MAPK4: variants seen among roughly 807,000 people sequenced by gnomAD.
The protein encoded by MAPK4 is mitogen-activated protein kinase 4.
In MAPK4, 22 loss-of-function variants were observed where a neutral mutation model predicts 47.7. The observed-to-expected ratio is 0.46, with a 90% CI of 0.33 to 0.66. The LOEUF (loss-of-function observed/expected upper bound fraction) is 0.66. Among genes scored for constraint, MAPK4 ranks in the 30% least tolerant of loss-of-function variants. The pLI is 0.02. For synonymous variants in MAPK4, 390 were observed against 365.7 expected (o/e 1.07, Z -0.76); for missense variants, 736 against 831.7 (o/e 0.88, Z 1.42).
chr18:50,659,383 G>A (rs2043144820), intron 1 of MAPK4, among the ~76,000 whole-genome samples: 1 of 152,244 alleles, frequency 6.6e-6, no homozygotes, highest in African/African-American at 2.4e-5. Flanking sequence ...TCTGTGAAAT[G>A]TCAGCACCTT....
chr18:50,561,329 G>A (rs1284972923), intron 1 of MAPK4, among the ~76,000 whole-genome samples: 1 of 152,238 alleles, frequency 6.6e-6, no homozygotes, highest in Non-Finnish European at 1.5e-5. Flanking sequence ...GTTACTGTGT[G>A]CAAGGCAGCT....
At chr18:50,579,112 G>A (rs2149361831) in intron 1 of MAPK4, among the ~76,000 whole-genome samples, 1 of 152,324 alleles carries the variant, frequency 6.6e-6, no homozygotes, top group African/African-American at 2.4e-5. Context: ...GGCAAGGAAA[G>A]TCTTTGAGGG....
intron 1 of MAPK4, among the ~76,000 whole-genome samples, chr18:50,640,593 G>A (rs188430750): frequency 7.2e-5 from 11 of 152,194 alleles, no homozygotes; most frequent in Non-Finnish European, 8.8e-5. Context: ...AACCTCCCAA[G>A]TAGCTGGGAT....
chr18:50,661,916 G>T (rs2043176164), intron 1 of MAPK4, among the ~76,000 whole-genome samples: 1 of 152,182 alleles, frequency 6.6e-6, no homozygotes, highest in African/African-American at 2.4e-5. Flanking sequence ...GCAACAATAG[G>T]TAACATCTGT....
At chr18:50,577,528 A>C (rs1280347051) in intron 1 of MAPK4, among the ~76,000 whole-genome samples, 1 of 152,202 alleles carries the variant, frequency 6.6e-6, no homozygotes, top group African/African-American at 2.4e-5. Flanking sequence ...AGGTGATTCA[A>C]ATATACAGCC....
chr18:50,587,689 C>T (rs2042400586), intron 1 of MAPK4, among the ~76,000 whole-genome samples: 1 of 152,124 alleles, frequency 6.6e-6, no homozygotes. Flanking sequence ...TACTTCACAG[C>T]AGGGTTTGGA....
intron 1 of MAPK4, among the ~76,000 whole-genome samples, chr18:50,564,718 C>T (rs944597298): frequency 1.3e-5 from 2 of 152,046 alleles, no homozygotes; most frequent in African/African-American, 4.8e-5. Context: ...AGCATAAAGC[C>T]TCAAATTCTT....
chr18:50,581,510 T>C (rs1187555764), intron 1 of MAPK4, among the ~76,000 whole-genome samples: 13 of 152,240 alleles, frequency 8.5e-5, no homozygotes, highest in Admixed American at 8.5e-4. Context: ...GGCATGGTCA[T>C]TGCCCTTTTC....
At chr18:50,719,918 C>G (rs1238835214) in intron 3 of MAPK4, among the ~76,000 whole-genome samples, 1 of 152,202 alleles carries the variant, frequency 6.6e-6, no homozygotes, top group African/African-American at 2.4e-5. Context: ...AAACAGCTCT[C>G]CTCACATTTC....
At chr18:50,654,355 A>T (rs946216168) in intron 1 of MAPK4, among the ~76,000 whole-genome samples, 1 of 152,230 alleles carries the variant, frequency 6.6e-6, no homozygotes, top group Non-Finnish European at 1.5e-5. Context: ...ACCATTCAAT[A>T]AGTACTGAAG....
chr18:50,724,711 G>A (rs542898042), intron 4 of MAPK4, among the ~76,000 whole-genome samples: 4 of 152,220 alleles, frequency 2.6e-5, no homozygotes, highest in African/African-American at 4.8e-5. Flanking sequence ...TGAATCCATC[G>A]ATTTCCTCAA....
chr18:50,587,122 A>G (rs533843095), intron 1 of MAPK4, among the ~76,000 whole-genome samples: 1 of 152,358 alleles, frequency 6.6e-6, no homozygotes, highest in South Asian at 2.1e-4. Flanking sequence ...AATCAGGCAG[A>G]AGAGATTGCT....
At chr18:50,644,669 C>T (rs1037391003) in intron 1 of MAPK4, among the ~76,000 whole-genome samples, 1 of 152,034 alleles carries the variant, frequency 6.6e-6, no homozygotes, top group African/African-American at 2.4e-5. Flanking sequence ...ATTTTCATTC[C>T]ATAGAGATAA....
chr18:50,657,631 A>G (rs935478289), intron 1 of MAPK4, among the ~76,000 whole-genome samples: 8 of 151,654 alleles, frequency 5.3e-5, no homozygotes, highest in Admixed American at 4.6e-4. Flanking sequence ...GTGATTTTCA[A>G]CCAGAGGTGA....
intron 1 of MAPK4, among the ~76,000 whole-genome samples, chr18:50,632,379 T>G (rs2042838963): frequency 6.6e-6 from 1 of 152,186 alleles, no homozygotes; most frequent in East Asian, 1.9e-4. Flanking sequence ...TTCTTTTGTG[T>G]TATGTCAGAA....
chr18:50,559,629 G>A (rs2042133240), upstream of MAPK4, among the ~76,000 whole-genome samples: 1 of 92,922 alleles, frequency 1.1e-5, no homozygotes, highest in Admixed American at 9.4e-5. Flanking sequence ...CTCCCACCGG[G>A]CCCCCGGCGG....
At chr18:50,619,988 A>C (rs1195907462) in intron 1 of MAPK4, among the ~76,000 whole-genome samples, 1 of 152,224 alleles carries the variant, frequency 6.6e-6, no homozygotes, top group African/African-American at 2.4e-5. Context: ...TGGCTCCCCC[A>C]AGGAAATGCA....
chr18:50,660,179 G>T (rs577529616), intron 1 of MAPK4, among the ~76,000 whole-genome samples: 81 of 152,298 alleles, frequency 5.3e-4, no homozygotes, highest in Non-Finnish European at 7.6e-4. Context: ...AGGAAAGAAA[G>T]AAACAGAAAA....
chr18:50,726,840 C>A (rs563573250), intron 5 of MAPK4, among the ~76,000 whole-genome samples: 2 of 145,852 alleles, frequency 1.4e-5, no homozygotes, highest in South Asian at 4.4e-4. Flanking sequence ...TTTGAGGTTG[C>A]AGAGTGAGAC....
Sources: allele counts gnomAD v4.1 joint callset (sites outside exome capture counted in the v4.1 genomes callset), GRCh38; gene constraint gnomAD v4.1.1; transcripts MANE v1.5; gene names NCBI Gene and HGNC (gene_info 2026-07-23, HGNC 2026-07-21).